NTN4: variants seen among roughly 807,000 people sequenced by gnomAD.
NTN4 encodes the protein netrin 4, also known as netrin-4.
Under a neutral mutation model 73.6 loss-of-function variants are expected in NTN4, and 32 were observed. That is an observed-to-expected ratio of 0.44 (90% CI 0.33 to 0.58). The LOEUF (loss-of-function observed/expected upper bound fraction) is 0.58. Among genes scored for constraint, NTN4 ranks in the 20% least tolerant of loss-of-function variants. The pLI is 0.04. For synonymous variants in NTN4, 258 were observed against 287.5 expected, an observed-to-expected ratio of 0.90 and a Z score of 1.04; for missense variants, 654 against 798.3, an observed-to-expected ratio of 0.82 and a Z score of 2.18.
chr12:95,743,829 TTTTA>T (rs1449121951), intron 2 of NTN4, among the ~76,000 whole-genome samples: 1 of 152,228 alleles, frequency 6.6e-6, no homozygotes, highest in Non-Finnish European at 1.5e-5. Flanking sequence ...TATCAACTTA[TTTTA>T]TTTCTCCCTT....
At chr12:95,758,556 T>C (rs943408455) in intron 2 of NTN4, among the ~76,000 whole-genome samples, 2 of 152,112 alleles carry the variant, frequency 1.3e-5, no homozygotes, top group Middle Eastern at 3.2e-3. Flanking sequence ...ATAGCAATAG[T>C]TTTTTATTTT....
At chr12:95,708,260 ATTTATTTATTT>A (rs2121076181) in intron 5 of NTN4, among the ~76,000 whole-genome samples, 1 of 13,568 alleles carries the variant, frequency 7.4e-5, no homozygotes, top group South Asian at 5.6e-3. Flanking sequence ...TTGTTATTTT[ATTTATTTATTT>A]ATTTATTTAT....
Position 95,735,953 on chromosome 12 carries a change from T to TTTA in NTN4, c.864+1912_864+1913insTAA, listed in dbSNP as rs1565901374. 6.1e-4 allele frequency among the ~76,000 whole-genome samples: 80 copies of TTTA among 130,564 alleles called. 1 individual carries two copies. In the South Asian group the frequency reaches 8.5e-3, roughly 14 times the overall value. 85.7% of individuals were successfully genotyped at this position (130,564 alleles called of 152,430 possible). The stretch of plus-strand genomic sequence containing the variant: ...TATTTATTTATTTATTTATTTATTT[T>TTTA]TTTGAGACAGAGTCTTGCTTTGTCA... On this transcript the variant is annotated intron_variant, in intron 3 of 9. Coordinates refer to ENST00000343702, the MANE Select transcript of NTN4 (RefSeq NM_021229.4).
intron 2 of NTN4, among the ~76,000 whole-genome samples, chr12:95,771,420 T>C (rs1339063309): frequency 6.6e-6 from 1 of 152,168 alleles, no homozygotes; most frequent in Admixed American, 6.5e-5. Context: ...TATTAATATA[T>C]TCAATACTAA....
chr12:95,667,282 G>A (rs568030846), intron 8 of NTN4, among the ~76,000 whole-genome samples: 26 of 150,534 alleles, frequency 1.7e-4, no homozygotes, highest in African/African-American at 5.1e-4. Flanking sequence ...CTCCGCCTCC[G>A]AGGTTCAAGC....
At chr12:95,729,909 T>TC (rs1402050226) in intron 3 of NTN4, among the ~76,000 whole-genome samples, 1 of 152,026 alleles carries the variant, frequency 6.6e-6, no homozygotes, top group Non-Finnish European at 1.5e-5. Context: ...AGCTTCCTTC[T>TC]CCCCATGAAC....
intron 2 of NTN4, among the ~76,000 whole-genome samples, chr12:95,741,175 T>A (rs2078820787): frequency 6.6e-6 from 1 of 151,660 alleles, no homozygotes; most frequent in East Asian, 1.9e-4. Flanking sequence ...AGTCCGCCCT[T>A]ATCCTCCGGG....
At position 95,790,044 on chromosome 12, in the gene NTN4, C is replaced by T; in HGVS notation, c.55+211G>A. On this transcript the variant is annotated intron_variant, in intron 1 of 9. Transcript: ENST00000343702. This position sits in a 1 kb window ranked among gnomAD's most constrained non-coding sequence, Gnocchi z 6.5. ...GGCGCACCCAGGATAGCTGGTTATC[C>T]AAGCGCATGTGTATCCCAGTTGTAA... 2.2e-6 allele frequency: 1 copy of T among 448,970 alleles called. No individual in the cohort carries two copies. Among genetic ancestry groups the T allele is most frequent in the Non-Finnish European group, 4.0e-6 (1 of 249,940 alleles). The allele number at this position is 448,970 out of a possible 1,614,324, so 27.8% of individuals were successfully genotyped here. A position where few individuals can be genotyped will look rare whatever the true frequency, so the allele number is the denominator to read the frequency against.
At chr12:95,664,436 T>G (rs1318553015) in intron 9 of NTN4, among the ~76,000 whole-genome samples, 1 of 152,136 alleles carries the variant, frequency 6.6e-6, no homozygotes, top group African/African-American at 2.4e-5. Flanking sequence ...AAATATATTA[T>G]TGAAAGGGTA....
chr12:95,775,629 G>A (rs569332357), intron 2 of NTN4, among the ~76,000 whole-genome samples: 1 of 152,354 alleles, frequency 6.6e-6, no homozygotes, highest in African/African-American at 2.4e-5. Flanking sequence ...CAGCCAGGCT[G>A]GGGGAGGGGT....
intron 8 of NTN4, among the ~76,000 whole-genome samples, chr12:95,668,981 G>A (rs1040727573): frequency 5.3e-5 from 8 of 152,144 alleles, no homozygotes; most frequent in African/African-American, 7.2e-5. Context: ...AAAATTAGCC[G>A]GGCATGGTGG....
chr12:95,679,264 A>G (rs1410885556), intron 7 of NTN4, among the ~76,000 whole-genome samples: 2 of 152,234 alleles, frequency 1.3e-5, no homozygotes, highest in Non-Finnish European at 2.9e-5. Context: ...GCCATCTCAG[A>G]TATCAGGACT....
chr12:95,755,013 C>A (rs11609319), intron 2 of NTN4, among the ~76,000 whole-genome samples: 36,760 of 152,170 alleles, frequency 0.24, 4,683 homozygotes, highest in Non-Finnish European at 0.29. Context: ...TGTTAGGTTG[C>A]TAATACACCT....
intron 7 of NTN4, among the ~76,000 whole-genome samples, chr12:95,680,640 C>T (rs536154777): frequency 1.3e-5 from 2 of 152,276 alleles, no homozygotes; most frequent in South Asian, 2.1e-4. Context: ...TTCACATAAC[C>T]GCTTTTATAT....
chr12:95,775,902 G>A (rs892235662), intron 2 of NTN4, among the ~76,000 whole-genome samples: 1 of 152,202 alleles, frequency 6.6e-6, no homozygotes, highest in Admixed American at 6.5e-5. Context: ...CTAACTGGGA[G>A]GCACCCCCCA....
At chr12:95,741,805 G>A (rs190925666) in intron 2 of NTN4, among the ~76,000 whole-genome samples, 21 of 151,462 alleles carry the variant, frequency 1.4e-4, no homozygotes, top group Non-Finnish European at 2.2e-4. Flanking sequence ...TACTGTACTC[G>A]CCTATTTTTG....
Position 95,665,925 on chromosome 12 carries a change from A to G in NTN4, c.1635T>C (p.Asn545=), listed in dbSNP as rs1224854587. The G allele has an allele frequency of 1.2e-6, 2 of 1,613,524 alleles. No homozygotes were observed. The highest frequency in any genetic ancestry group is 1.7e-5 in the Admixed American group (1 of 60,012). Reference sequence around the variant, plus strand: ...ATTTTAAGACCTTTTTAATCTTCACATTGACCTCAACATGAGTACCTTTAT... The same window carrying G: ...ATTTTAAGACCTTTTTAATCTTCACGTTGACCTCAACATGAGTACCTTTAT... ...AHDKGTHVEV[N]VKIKKVLKST... is the part of the protein sequence containing the mutation. Residue 545 remains asparagine (N), a synonymous_variant, in exon 9 of 10, where the codon AAT becomes AAC. Coordinates refer to ENST00000343702, the MANE Select transcript of NTN4 (RefSeq NM_021229.4).
chr12:95,710,349 G>A (rs2121082636), intron 5 of NTN4, 92 bp downstream of exon 5: 3 of 1,014,446 alleles, frequency 3.0e-6, no homozygotes, highest in Non-Finnish European at 2.9e-6. Flanking sequence ...GAACCTCAAT[G>A]ACCTCCTTCT....
intron 2 of NTN4, among the ~76,000 whole-genome samples, chr12:95,743,210 T>C (rs925506412): frequency 6.6e-6 from 1 of 152,234 alleles, no homozygotes; most frequent in Non-Finnish European, 1.5e-5. Flanking sequence ...TTAACAGTTC[T>C]TAAGATACTA....
Sources: gnomAD v4.1 joint callset for allele counts (sites outside exome capture counted in the v4.1 genomes callset) on GRCh38, gnomAD v4.1.1 for gene constraint, Gnocchi (gnomAD v3.1) non-coding constraint, MANE v1.5 for transcripts, NCBI Gene and HGNC (gene_info 2026-07-23, HGNC 2026-07-21) for gene names.